SH3PXD2B: variants seen among roughly 807,000 people sequenced by gnomAD.
SH3PXD2B encodes the protein SH3 and PX domain-containing protein 2B.
A neutral mutation model predicts 73.1 loss-of-function variants in SH3PXD2B; 37 were observed. The ratio of observed to expected loss-of-function variants is 0.51; its 90% CI spans 0.39 to 0.67. The LOEUF (loss-of-function observed/expected upper bound fraction) is 0.67. SH3PXD2B is among the 30% of genes least tolerant of loss of function. The pLI is 0.00. For synonymous variants in SH3PXD2B, 457 were observed against 480.5 expected (o/e 0.95, Z 0.64); for missense variants, 1,053 against 1,197.8 (o/e 0.88, Z 1.78).
chr5:172,423,037 C>T (rs997477131), intron 1 of SH3PXD2B, among the ~76,000 whole-genome samples: 1 of 152,144 alleles, frequency 6.6e-6, no homozygotes, highest in Non-Finnish European at 1.5e-5. Flanking sequence ...CCTCCTCTGC[C>T]TCCCAGGATA....
Position 172,406,456 on chromosome 5 carries a change from A to G in SH3PXD2B, c.157-104T>C, listed in dbSNP as rs1581314400. ...TGTGAAATATGTGATGTGATATACT[A>G]AAAGTTCACTGCGTTCAGCTTTCCA... On this transcript the variant is annotated intron_variant, in intron 2 of 12. Transcript: ENST00000311601. 4 of 1,336,102 alleles carry G rather than the reference A, an allele frequency of 3.0e-6. No homozygotes were observed. In the East Asian group the frequency reaches 9.4e-5, roughly 31 times the overall value. The allele number at this position is 1,336,102 out of a possible 1,614,324, so 82.8% of individuals were successfully genotyped here. A position where few individuals can be genotyped will look rare whatever the true frequency, so the allele number is the denominator to read the frequency against.
chr5:172,361,823 C>T (rs1454841836), intron 7 of SH3PXD2B, among the ~76,000 whole-genome samples: 1 of 152,164 alleles, frequency 6.6e-6, no homozygotes, highest in Non-Finnish European at 1.5e-5. Flanking sequence ...GTGACTAATG[C>T]CACCACCATC....
In SH3PXD2B at chr5:172,336,559, A is replaced by C. The variant is rs1434729268; in HGVS notation, c.*1810T>G. On this transcript the variant is annotated 3_prime_UTR_variant, in exon 13 of 13. Coordinates refer to ENST00000311601, the MANE Select transcript of SH3PXD2B (RefSeq NM_001017995.3). ...AGGGGGTGGAGCTGGGAGGCGCGGCAGAAGAGGGCTGTTCAAGCAAAACTT... is the reference window on the plus strand; with the variant it reads ...AGGGGGTGGAGCTGGGAGGCGCGGCCGAAGAGGGCTGTTCAAGCAAAACTT... 3 of 985,990 alleles carry C rather than the reference A, an allele frequency of 3.0e-6. No homozygotes were observed. Among genetic ancestry groups the C allele is most frequent in the Non-Finnish European group, 3.6e-6 (3 of 830,090 alleles). The allele number at this position is 985,990 out of a possible 1,614,324, so 61.1% of individuals were successfully genotyped here.
At chr5:172,371,307 T>C (rs1757698325) in intron 6 of SH3PXD2B, among the ~76,000 whole-genome samples, 1 of 152,200 alleles carries the variant, frequency 6.6e-6, no homozygotes, top group African/African-American at 2.4e-5. Context: ...AATTGCATGA[T>C]CTCTTGACTT....
At chr5:172,430,880 CTTT>C (rs1241079943) in intron 1 of SH3PXD2B, among the ~76,000 whole-genome samples, 2 of 146,276 alleles carry the variant, frequency 1.4e-5, no homozygotes, top group Non-Finnish European at 3.0e-5. Flanking sequence ...TTTTTTTTTT[CTTT>C]TGAGATGGAG....
intron 1 of SH3PXD2B, among the ~76,000 whole-genome samples, chr5:172,424,965 A>C (rs1759062167): frequency 6.6e-6 from 1 of 152,146 alleles, no homozygotes; most frequent in African/African-American, 2.4e-5. Flanking sequence ...GGATTTGGGC[A>C]TCCAGCCCAC....
chr5:172,425,375 C>T (rs529775142), intron 1 of SH3PXD2B, among the ~76,000 whole-genome samples: 184 of 152,188 alleles, frequency 1.2e-3, no homozygotes, highest in African/African-American at 4.2e-3. Context: ...GGCAGGACCC[C>T]GAAGTCTGCA....
chr5:172,442,148 C>A (rs1474861465), intron 1 of SH3PXD2B, among the ~76,000 whole-genome samples: 1 of 152,182 alleles, frequency 6.6e-6, no homozygotes, highest in Non-Finnish European at 1.5e-5. Context: ...ACTACCCTAT[C>A]ATTTCCGTTC....
At chr5:172,328,922 T>G (rs1170590743), downstream of SH3PXD2B, among the ~76,000 whole-genome samples, 1 of 152,002 alleles carries the variant, frequency 6.6e-6, no homozygotes, top group South Asian at 2.1e-4. Context: ...TGGGTGTATG[T>G]AAGAGTTTCC....
chr5:172,418,174 TAACC>T (rs1758871053), intron 2 of SH3PXD2B, among the ~76,000 whole-genome samples: 1 of 152,202 alleles, frequency 6.6e-6, no homozygotes, highest in African/African-American at 2.4e-5. Flanking sequence ...GCGAACCACT[TAACC>T]TCTCTGAGCC....
chr5:172,335,640 A>G lies in SH3PXD2B; in HGVS notation c.*2729T>C. 8.1e-7 allele frequency: 1 copy of G among 1,231,848 alleles called. No individual in the cohort carries two copies. Among genetic ancestry groups the G allele is most frequent in the Middle Eastern group, 3.1e-4 (1 of 3,208 alleles). The allele number at this position is 1,231,848 out of a possible 1,614,324, so 76.3% of individuals were successfully genotyped here. A position where few individuals can be genotyped will look rare whatever the true frequency, so the allele number is the denominator to read the frequency against. On this transcript the variant is annotated 3_prime_UTR_variant, in exon 13 of 13. Coordinates refer to ENST00000311601, the MANE Select transcript of SH3PXD2B (RefSeq NM_001017995.3). ...CACCATTGTCACGATGGGCCTGGAC[A>G]CTTTCTAGAGCCATGACTCCAGGGG...
chr5:172,326,916 G>A (rs1490833911), intron 12 of SH3PXD2B, among the ~76,000 whole-genome samples: 6 of 150,070 alleles, frequency 4.0e-5, no homozygotes, highest in Non-Finnish European at 8.9e-5. Context: ...GTGTGAAGTG[G>A]CACGATCTTG....
intron 12 of SH3PXD2B, among the ~76,000 whole-genome samples, chr5:172,344,235 A>G (rs1464089989): frequency 6.6e-6 from 1 of 152,130 alleles, no homozygotes; most frequent in Non-Finnish European, 1.5e-5. Flanking sequence ...ATAATGTTGC[A>G]ATGAGCCAGG....
chr5:172,331,220 GTAA>G (rs1042002650), downstream of SH3PXD2B, among the ~76,000 whole-genome samples: 334 of 152,060 alleles, frequency 2.2e-3, 2 homozygotes, highest in African/African-American at 7.7e-3. Flanking sequence ...AAAATAAATG[GTAA>G]TAATAATAAT....
intron 2 of SH3PXD2B, among the ~76,000 whole-genome samples, chr5:172,411,647 C>T (rs956225933): frequency 6.6e-6 from 1 of 152,142 alleles, no homozygotes; most frequent in African/African-American, 2.4e-5. Context: ...TGCTCCGCGG[C>T]GGGGCTGGGT....
chr5:172,327,013 C>G (rs1756458602), intron 12 of SH3PXD2B, among the ~76,000 whole-genome samples: 1 of 151,970 alleles, frequency 6.6e-6, no homozygotes, highest in Non-Finnish European at 1.5e-5. Flanking sequence ...TGCGCCACCA[C>G]CAAGCCTGGC....
chr5:172,353,955 T>C lies in SH3PXD2B; in HGVS notation c.718A>G (p.Met240Val), dbSNP rs1263518949. 2.5e-6 allele frequency: 4 copies of C among 1,613,988 alleles called. No individual in the cohort carries two copies. The highest frequency in any genetic ancestry group is 8.5e-7 in the Non-Finnish European group (1 of 1,180,034). The change falls in exon 9 of 13, where the codon ATG becomes GTG. Residue 240 changes from methionine to valine, a missense_variant. Coordinates refer to ENST00000311601, the MANE Select transcript of SH3PXD2B (RefSeq NM_001017995.3). The surrounding 1 kb of genome is among the most constrained non-coding windows in gnomAD (Gnocchi z 4.3). ...YPYTARDQDEMNLERGAVVEV... is the reference protein window; with the variant it reads ...YPYTARDQDEVNLERGAVVEV... ...ACCACAGCCCCTCTCTCCAGGTTCA[T>C]TTCATCCTGGTCCCGAGCTGTGTAC...
chr5:172,362,071 A>G (rs959754143), intron 7 of SH3PXD2B, among the ~76,000 whole-genome samples: 18 of 152,290 alleles, frequency 1.2e-4, no homozygotes, highest in African/African-American at 4.3e-4. Flanking sequence ...AAGGAAACCC[A>G]CATTTTTTTG....
chr5:172,386,524 A>G (rs1758062978), intron 4 of SH3PXD2B, among the ~76,000 whole-genome samples: 1 of 152,220 alleles, frequency 6.6e-6, no homozygotes, highest in Non-Finnish European at 1.5e-5. Context: ...AGCCTCCGGT[A>G]GGCAGGTAAC....
Sources: allele counts gnomAD v4.1 joint callset (sites outside exome capture counted in the v4.1 genomes callset), GRCh38; gene constraint gnomAD v4.1.1; non-coding constraint Gnocchi (gnomAD v3.1); transcripts MANE v1.5; gene names NCBI Gene and HGNC (gene_info 2026-07-23, HGNC 2026-07-21).